The following ONECUT2 variants were observed in gnomAD, a reference collection of about 807,000 sequenced individuals.
The protein encoded by ONECUT2 is one cut domain family member 2.
A neutral mutation model predicts 27.9 loss-of-function variants in ONECUT2; 10 were observed. That is an observed-to-expected ratio of 0.36 (90% CI 0.22 to 0.61). The LOEUF is 0.61. ONECUT2 is among the 20% of genes least tolerant of loss of function. ONECUT2 has a pLI of 0.73. For missense variants in ONECUT2, 686 were observed against 721.0 expected (o/e 0.95, Z 0.56); for synonymous variants, 334 against 315.1 (o/e 1.06, Z -0.64).
chr18:57,437,080 C>A, intron 1 of ONECUT2, 136 bp downstream of exon 1: 1 of 1,408,214 alleles, frequency 7.1e-7, no homozygotes, highest in South Asian at 1.5e-5. Flanking sequence ...TCTTTCTTCT[C>A]GTTTTTATTT....
At chr18:57,467,803 A>G (rs514250) in intron 1 of ONECUT2, among the ~76,000 whole-genome samples, 98,403 of 151,982 alleles carry the variant, frequency 0.65, 33,600 homozygotes, top group Middle Eastern at 0.81. Context: ...GCCTTCCCGG[A>G]CTCCGGGCAG....
At position 57,435,935 on chromosome 18, in the gene ONECUT2, C is replaced by G. The variant is rs1473313999; in HGVS notation, c.219C>G (p.Gly73=). 1.7e-6 allele frequency: 2 copies of G among 1,196,502 alleles called. No individual in the cohort carries two copies. The highest frequency in any genetic ancestry group is 4.5e-5 in the Admixed American group (1 of 21,994). The allele number at this position is 1,196,502 out of a possible 1,614,324, so 74.1% of individuals were successfully genotyped here. A position where few individuals can be genotyped will look rare whatever the true frequency, so the allele number is the denominator to read the frequency against. The part of the protein sequence containing the change: ...ASPSPHHAGR[G]AAGSLRGPPP... The stretch of plus-strand genomic sequence containing the variant: ...CCAGCCCCCACCACGCGGGCCGCGG[C>G]GCCGCTGGCTCGCTGCGGGGCCCTC... Residue 73 remains glycine, a synonymous_variant, in exon 1 of 2, where the codon GGC becomes GGG. Coordinates refer to ENST00000491143, the MANE Select transcript of ONECUT2 (RefSeq NM_004852.3).
chr18:57,437,936 C>CGGGGCGCGGGGCGCCTGG (rs1240542443), intron 1 of ONECUT2, among the ~76,000 whole-genome samples: 2 of 152,248 alleles, frequency 1.3e-5, no homozygotes, highest in Non-Finnish European at 2.9e-5. Flanking sequence ...CGCCTGGCGA[C>CGGGGCGCGGGGCGCCTGG]CGCGGGGAGG....
At chr18:57,463,542 T>C (rs1484084609) in intron 1 of ONECUT2, among the ~76,000 whole-genome samples, 1 of 152,124 alleles carries the variant, frequency 6.6e-6, no homozygotes, top group Non-Finnish European at 1.5e-5. Context: ...GGATTCTGAT[T>C]AGAGATTGCA....
In ONECUT2 at chr18:57,489,708, A is replaced by T. The variant is rs1227679869; in HGVS notation, c.*12985A>T. On this transcript the variant is annotated 3_prime_UTR_variant, in exon 2 of 2. Coordinates refer to ENST00000491143, the MANE Select transcript of ONECUT2 (RefSeq NM_004852.3). ...GGATAGGTAGTCATACCATTAACAG[A>T]TACTTCCTTGAAGGTAGAATATTAT... 6.6e-6 allele frequency: 1 copy of T among 152,154 alleles called. No homozygotes were observed. Among genetic ancestry groups the T allele is most frequent in the Non-Finnish European group, 1.5e-5 (1 of 68,032 alleles). The allele number at this position is 152,154 out of a possible 1,614,324, so 9.4% of individuals were successfully genotyped here.
Position 57,436,550 on chromosome 18 carries a change from C to T in ONECUT2, c.834C>T (p.Ser278=). The T allele has an allele frequency of 6.2e-7, 1 of 1,611,998 alleles. No individual in the cohort carries two copies. The highest frequency in any genetic ancestry group is 8.5e-7 in the Non-Finnish European group (1 of 1,179,894). Residue 278 remains serine (S), a synonymous_variant, in exon 1 of 2, where the codon TCC becomes TCT. Transcript: ENST00000491143. This position sits in a 1 kb window ranked among gnomAD's most constrained non-coding sequence, Gnocchi z 5.9. ...AMLTRGEQHL[S]RGLGTPPAAM... ...TGACCCGCGGTGAGCAACACCTGTCCCGCGGCCTGGGCACCCCACCTGCGG... is the reference window on the plus strand; with the variant it reads ...TGACCCGCGGTGAGCAACACCTGTCTCGCGGCCTGGGCACCCCACCTGCGG...
intron 1 of ONECUT2, chr18:57,444,323 T>C (rs1598931304): frequency 2.2e-6 from 1 of 456,482 alleles, no homozygotes; most frequent in South Asian, 1.6e-5. Context: ...TTATTACTTA[T>C]GTTGCATTGA....
rs573545277 is a variant in ONECUT2 at position 57,444,791 on chromosome 18, C to T, written c.1228+7847C>T. Reference sequence around the variant, plus strand: ...ACCCTCGTTCAATAGATTTACCCTTCGTGCTTGTGATATTCCTTTAAGTGT... The same window carrying T: ...ACCCTCGTTCAATAGATTTACCCTTTGTGCTTGTGATATTCCTTTAAGTGT... On this transcript the variant is annotated intron_variant, in intron 1 of 1. Coordinates refer to ENST00000491143, the MANE Select transcript of ONECUT2 (RefSeq NM_004852.3). Among the ~76,000 whole-genome samples, 228 of 152,218 alleles carry T rather than the reference C, an allele frequency of 1.5e-3. 1 individual carries two copies. Among genetic ancestry groups the T allele is most frequent in the African/African-American group, 5.2e-3 (216 of 41,528 alleles).
rs1409994424 is a variant in ONECUT2, at chr18:57,490,289, T to C, written c.*13566T>C. 6.6e-6 allele frequency: 1 copy of C among 152,236 alleles called. No homozygotes were observed. The highest frequency in any genetic ancestry group is 2.4e-5 in the African/African-American group (1 of 41,460). 9.4% of individuals were successfully genotyped at this position (152,236 alleles called of 1,614,324 possible). On this transcript the variant is annotated 3_prime_UTR_variant, in exon 2 of 2. Transcript: ENST00000491143. The stretch of plus-strand genomic sequence containing the variant: ...CCAGTATCTTTTCTTCCATCCAGTT[T>C]TGTTCTCAGAATCCAAGTCAGTCCT...
chr18:57,466,086 AGTTTT>A (rs927372292), intron 1 of ONECUT2, among the ~76,000 whole-genome samples: 5 of 151,980 alleles, frequency 3.3e-5, no homozygotes, highest in Admixed American at 6.6e-5. Flanking sequence ...TCCACCCTGC[AGTTTT>A]GTTTTGTTTT....
At chr18:57,471,625 A>G (rs2050354442) in intron 1 of ONECUT2, among the ~76,000 whole-genome samples, 1 of 152,080 alleles carries the variant, frequency 6.6e-6, no homozygotes, top group Non-Finnish European at 1.5e-5. Context: ...CAAGGAACCT[A>G]TATTTTTAGG....
chr18:57,443,955 T>C (rs1033110436), intron 1 of ONECUT2, among the ~76,000 whole-genome samples: 6 of 152,200 alleles, frequency 3.9e-5, no homozygotes, highest in African/African-American at 1.4e-4. Flanking sequence ...TTAATCAGCA[T>C]TGGACTTTGG....
In ONECUT2 at chr18:57,476,671, A is replaced by T; in HGVS notation, c.1463A>T (p.Asp488Val). 1 of 1,614,188 alleles carries T rather than the reference A, an allele frequency of 6.2e-7. No individual in the cohort carries two copies. Among genetic ancestry groups the T allele is most frequent in the Non-Finnish European group, 8.5e-7 (1 of 1,180,036 alleles). The change falls in exon 2 of 2, where the codon GAT becomes GTT. Residue 488 changes from aspartate to valine, a missense_variant. Around this residue, in one of 4 missense-constraint regions of ONECUT2, gnomAD observed 77 missense variants for 105.5 expected, o/e 0.73. Coordinates refer to ENST00000491143, the MANE Select transcript of ONECUT2 (RefSeq NM_004852.3). ...CGCAGCCTGGAGAAGTGGCAAGACG[A>T]TCTGAGCACAGGGGGCTCCTCGTCC... ...RRRSLEKWQDDLSTGGSSSTS... is the reference protein window; with the variant it reads ...RRRSLEKWQDVLSTGGSSSTS...
chr18:57,474,602 A>G (rs1429406127), intron 1 of ONECUT2, among the ~76,000 whole-genome samples: 3 of 152,182 alleles, frequency 2.0e-5, no homozygotes, highest in African/African-American at 7.2e-5. Context: ...TAAGGGCACT[A>G]ACCCTATTCC....
At position 57,436,188 on chromosome 18, in the gene ONECUT2, C is replaced by T. The variant is rs995945659; in HGVS notation, c.472C>T (p.Pro158Ser). 1.9e-6 allele frequency: 3 copies of T among 1,607,360 alleles called. No individual in the cohort carries two copies. Among genetic ancestry groups the T allele is most frequent in the African/African-American group, 1.3e-5 (1 of 74,962 alleles). ...YTTLTPLQPL[P>S]PISTVSDKFH... ...CACGCTGACACCGCTCCAGCCGCTG[C>T]CACCCATCTCCACCGTGTCTGACAA... The change falls in exon 1 of 2, where the codon CCA (proline) becomes TCA (serine). Residue 158 changes from proline to serine, a missense_variant. Pro to Ser is a moderately conservative substitution (Grantham distance 74). Coordinates refer to ENST00000491143, the MANE Select transcript of ONECUT2 (RefSeq NM_004852.3). This position sits in a 1 kb window ranked among gnomAD's most constrained non-coding sequence, Gnocchi z 5.9.
chr18:57,462,008 T>G (rs1448217167), intron 1 of ONECUT2, among the ~76,000 whole-genome samples: 1 of 152,228 alleles, frequency 6.6e-6, no homozygotes, highest in East Asian at 1.9e-4. Flanking sequence ...TGCCAAACAG[T>G]CTTCCAATCT....
intron 1 of ONECUT2, among the ~76,000 whole-genome samples, chr18:57,457,989 G>A (rs1026518003): frequency 5.3e-5 from 8 of 152,128 alleles, no homozygotes; most frequent in Admixed American, 4.6e-4. Context: ...GGGGGCTGGG[G>A]GAGGGATAGC....
At position 57,484,796 on chromosome 18, in the gene ONECUT2, C is replaced by T. The variant is rs1207834505; in HGVS notation, c.*8073C>T. ...CTTGAGAGTGAAAGCCCACACATGC[C>T]TCCTGGTTCCTGCCCCAGTGCTCCG... On this transcript the variant is annotated 3_prime_UTR_variant, in exon 2 of 2. Transcript: ENST00000491143. 6.6e-6 allele frequency: 1 copy of T among 152,324 alleles called. No homozygotes were observed. The highest frequency in any genetic ancestry group is 2.4e-5 in the African/African-American group (1 of 41,452). 9.4% of individuals were successfully genotyped at this position (152,324 alleles called of 1,614,324 possible). A position where few individuals can be genotyped will look rare whatever the true frequency, so the allele number is the denominator to read the frequency against.
At chr18:57,473,650 C>T (rs1006761710) in intron 1 of ONECUT2, among the ~76,000 whole-genome samples, 1 of 152,174 alleles carries the variant, frequency 6.6e-6, no homozygotes, top group Non-Finnish European at 1.5e-5. Context: ...ATCAGCATCA[C>T]CTGGGTGCTC....
Sources: allele counts gnomAD v4.1 joint callset (sites outside exome capture counted in the v4.1 genomes callset), GRCh38; gene constraint gnomAD v4.1.1; regional missense constraint gnomAD v4.1.1; non-coding constraint Gnocchi (gnomAD v3.1); transcripts MANE v1.5; gene names NCBI Gene and HGNC (gene_info 2026-07-23, HGNC 2026-07-21).